ZNF232: variants seen among roughly 807,000 people sequenced by gnomAD.
ZNF232 encodes zinc finger and SCAN domain-containing protein 11.
In ZNF232, 25 loss-of-function variants were observed where a neutral mutation model predicts 25.2. That is an observed-to-expected ratio of 0.99 (90% CI 0.72 to 1.39). The LOEUF (loss-of-function observed/expected upper bound fraction) is 1.39. ZNF232 is among the 40% of genes most tolerant of loss of function. The pLI is 0.00. For missense variants in ZNF232, 519 were observed against 520.9 expected (o/e 1.00, Z 0.04); for synonymous variants, 193 against 182.9 (o/e 1.06, Z -0.45).
chr17:5,113,072 A>G (rs933255404), upstream of ZNF232, among the ~76,000 whole-genome samples: 3 of 152,268 alleles, frequency 2.0e-5, no homozygotes, highest in African/African-American at 7.2e-5. Flanking sequence ...TCTCCAAGAA[A>G]AATTGTTGTT....
At chr17:5,116,781 C>T (rs1322725859), upstream of ZNF232, 5 of 152,226 alleles carry the variant, frequency 3.3e-5, no homozygotes, top group African/African-American at 1.2e-4. Flanking sequence ...AGCGTAGTTT[C>T]TTATGTATAA....
Position 5,109,380 on chromosome 17 carries a change from AT to A in ZNF232, c.498+13del. ...CAATCTGGCTCCCATAACAGACCAA[AT>A]CCCCCTTCCCACCTGCGGCTCTGGT... On this transcript the variant is annotated intron_variant, in intron 2 of 3. Coordinates refer to ENST00000575898, the Ensembl canonical transcript of ZNF232. The A allele has an allele frequency of 6.2e-7, 1 of 1,613,944 alleles. No homozygotes were observed.
exon 2 of ZNF232, chr17:5,109,643 C>T (rs747067583): frequency 1.2e-6 from 2 of 1,614,186 alleles, no homozygotes; most frequent in South Asian, 1.1e-5. Flanking sequence ...AGCGGAGATG[C>T]CTGAAGCGTT....
chr17:5,106,138 T>G, exon 4 of ZNF232: 1 of 1,614,214 alleles, frequency 6.2e-7, no homozygotes, highest in Non-Finnish European at 8.5e-7. Flanking sequence ...GAGCTCTGTT[T>G]GAAAGTTTTC....
chr17:5,109,154 A>G, intron 2 of ZNF232, 102 bp from the exon 3 acceptor site: 2 of 1,534,466 alleles, frequency 1.3e-6, no homozygotes, highest in Non-Finnish European at 1.8e-6. Flanking sequence ...TCCTTGGACC[A>G]AAGCTTCCAA....
chr17:5,109,115 C>T lies in ZNF232; in HGVS notation c.499-63G>A, dbSNP rs1435749207. The T allele has an allele frequency of 5.0e-6, 8 of 1,607,948 alleles. No individual in the cohort carries two copies. The East Asian group carries it at 1.8e-4, about 36-fold the overall frequency. On this transcript the variant is annotated intron_variant, in intron 2 of 3. Transcript: ENST00000575898. Reference sequence around the variant, plus strand: ...TCAAATTACTAGTGTGGTTTCTGTCCCCTGCCTGGACACTTGCAGATGTGA... The same window carrying T: ...TCAAATTACTAGTGTGGTTTCTGTCTCCTGCCTGGACACTTGCAGATGTGA...
At chr17:5,121,276 T>C (rs889992690) in intron 1 of ZNF232, 11 of 362,178 alleles carry the variant, frequency 3.0e-5, no homozygotes, top group African/African-American at 2.1e-4. Context: ...TGGGGCCCCA[T>C]AGAGGCCAGG....
At chr17:5,106,153 A>T in exon 4 of ZNF232, 1 of 1,614,222 alleles carries the variant, frequency 6.2e-7, no homozygotes, top group Non-Finnish European at 8.5e-7. Context: ...GTTTTCCCAC[A>T]GTCACTACAC....
At chr17:5,111,983 G>C, upstream of ZNF232, 1 of 1,053,318 alleles carries the variant, frequency 9.5e-7, no homozygotes, top group Non-Finnish European at 1.3e-6. Context: ...CCGAGAGGCT[G>C]GGAGCCCGGG....
chr17:5,107,844 T>C (rs578012749), intron 3 of ZNF232, among the ~76,000 whole-genome samples: 2 of 152,348 alleles, frequency 1.3e-5, no homozygotes, highest in South Asian at 2.1e-4. Context: ...CAAGATCATT[T>C]GATTTTTTAA....
upstream of ZNF232, chr17:5,114,036 G>C (rs1032096269): frequency 6.6e-6 from 1 of 152,192 alleles, no homozygotes; most frequent in Non-Finnish European, 1.5e-5. Flanking sequence ...ACTATACACT[G>C]AATCAGATGA....
chr17:5,111,736 C>T, intron 1 of ZNF232, 64 bp downstream of exon 1: 4 of 1,612,162 alleles, frequency 2.5e-6, no homozygotes, highest in Non-Finnish European at 3.4e-6. Flanking sequence ...GCCGCCGCTG[C>T]CTGCGGGACG....
intron 3 of ZNF232, among the ~76,000 whole-genome samples, chr17:5,107,842 T>C (rs1315269306): frequency 1.1e-4 from 17 of 152,174 alleles, no homozygotes; most frequent in Admixed American, 1.1e-3. Context: ...GCCAAGATCA[T>C]TTGATTTTTT....
Position 5,105,910 on chromosome 17 carries a change from A to AT in ZNF232, c.1221dup (p.Cys408MetfsTer2). On this transcript the variant is annotated frameshift_variant, in exon 4 of 4. Coordinates refer to ENST00000575898, the Ensembl canonical transcript of ZNF232. LOFTEE classifies it low-confidence loss of function (END_TRUNC). Reference sequence around the variant, plus strand: ...CCATAAGCTTTCCCACATTCTTTACATATAAAAGGTTTCTCTCCACTGTGA... The same window carrying AT: ...CCATAAGCTTTCCCACATTCTTTACATTATAAAAGGTTTCTCTCCACTGTGA... The AT allele has an allele frequency of 1.2e-6, 2 of 1,614,130 alleles. No homozygotes were observed. The highest frequency in any genetic ancestry group is 2.7e-5 in the African/African-American group (2 of 75,036).
exon 4 of ZNF232, chr17:5,105,985 A>G (rs570044806): frequency 2.5e-6 from 4 of 1,614,098 alleles, no homozygotes; most frequent in African/African-American, 2.7e-5. Context: ...GCCTTCCCAC[A>G]CTCATTACAC....
upstream of ZNF232, chr17:5,114,198 C>T (rs1054697): frequency 0.14 from 20,651 of 152,140 alleles, 1,606 homozygotes; most frequent in African/African-American, 0.21. Flanking sequence ...TGCATTAGAC[C>T]TGAGCTCTGA....
chr17:5,122,711 C>G (rs969552826), intron 1 of ZNF232, among the ~76,000 whole-genome samples: 3 of 152,202 alleles, frequency 2.0e-5, no homozygotes, highest in African/African-American at 7.2e-5. Context: ...TAAGCTCCCA[C>G]CCGGAGCCCA....
upstream of ZNF232, chr17:5,112,169 T>G: frequency 2.6e-6 from 1 of 389,202 alleles, no homozygotes; most frequent in Non-Finnish European, 4.6e-6. Context: ...GAATTGTACC[T>G]GAAGGGCGGT....
Position 5,120,509 on chromosome 17 carries a change from G to GTGTCTGTC in ZNF232, c.-530+2460_-530+2467dup, listed in dbSNP as rs546927224. The GTGTCTGTC allele has an allele frequency of 1.2e-5, 4 of 336,164 alleles. No individual in the cohort carries two copies. In the East Asian group the frequency reaches 2.4e-4, roughly 20 times the overall value. The allele number at this position is 336,164 out of a possible 1,614,324, so 20.8% of individuals were successfully genotyped here. On this transcript the variant is annotated intron_variant, in intron 1 of 4. Coordinates refer to the ZNF232 transcript ENST00000250076. ...AGGGTGAGGAGCTGTTGGCCTATCT[G>GTGTCTGTC]TGTCTGTCTGTCTGTCTGTCTGTCA...
Sources: gnomAD v4.1 joint callset for allele counts (sites outside exome capture counted in the v4.1 genomes callset) on GRCh38, gnomAD v4.1.1 for gene constraint, MANE v1.5 for transcripts, NCBI Gene and HGNC (gene_info 2026-07-23, HGNC 2026-07-21) for gene names.